Variants in RAB28 observed in about 807,000 individuals in gnomAD.
RAB28 encodes the protein ras-related protein Rab-28.
A neutral mutation model predicts 31.7 loss-of-function variants in RAB28; 24 were observed. The observed-to-expected ratio is 0.76, with a 90% CI of 0.55 to 1.06. RAB28 has a LOEUF of 1.06. Ranked by LOEUF, RAB28 falls within the 50% of genes least tolerant of loss-of-function variation. RAB28 has a pLI of 0.00. For missense variants in RAB28, 254 were observed against 258.5 expected, an observed-to-expected ratio of 0.98 and a Z score of 0.12; for synonymous variants, 100 against 90.4, an observed-to-expected ratio of 1.11 and a Z score of -0.60.
chr4:13,383,243 C>T (rs1729211092), intron 4 of RAB28, among the ~76,000 whole-genome samples: 1 of 151,878 alleles, frequency 6.6e-6, no homozygotes, highest in South Asian at 2.1e-4. Flanking sequence ...AGGAAAAATC[C>T]CCATTGAAAT....
chr4:13,368,747 C>A, intron 6 of RAB28, 97 bp from the exon 7 acceptor site: 1 of 943,442 alleles, frequency 1.1e-6, no homozygotes. Flanking sequence ...TGCTGAACTT[C>A]TGATGATGGA....
chr4:13,424,157 A>G (rs2108924647), intron 4 of RAB28, among the ~76,000 whole-genome samples: 1 of 152,332 alleles, frequency 6.6e-6, no homozygotes, highest in East Asian at 1.9e-4. Flanking sequence ...TCCTTTCCTC[A>G]TTTTCAGTTC....
Position 13,381,500 on chromosome 4 carries a change from T to G in RAB28, c.486A>C (p.Thr162=). Residue 162 remains threonine (T), a synonymous_variant, in exon 5 of 7, where the codon ACA becomes ACC. Coordinates refer to ENST00000330852, the MANE Select transcript of RAB28 (RefSeq NM_001017979.3). Reference sequence around the variant, plus strand: ...TCATTATTTTACTTACAGAGTCTCCTGTCTTGGCTGAGACAAAGTGGCTAC... The same window carrying G: ...TCATTATTTTACTTACAGAGTCTCCGGTCTTGGCTGAGACAAAGTGGCTAC... The part of the protein sequence containing the change: ...GFSSHFVSAK[T]GDSVFLCFQK... The G allele has an allele frequency of 6.2e-7, 1 of 1,606,470 alleles. No homozygotes were observed. The highest frequency in any genetic ancestry group is 8.5e-7 in the Non-Finnish European group (1 of 1,173,638).
At position 13,478,296 on chromosome 4, in the gene RAB28, T is replaced by G. The variant is rs113514365; in HGVS notation, c.172+1134A>C. ...CGCATATGTTTCTCCTTAAACCTCT[T>G]GCTGAACAATAACCCAGTAATGGAA... is the stretch of plus-strand genomic sequence containing the variant. On this transcript the variant is annotated intron_variant, in intron 2 of 6. Coordinates refer to ENST00000330852, the MANE Select transcript of RAB28 (RefSeq NM_001017979.3). Among the ~76,000 whole-genome samples, 424 of 151,758 alleles carry G rather than the reference T, an allele frequency of 2.8e-3. 5 individuals are homozygous for G. Among genetic ancestry groups the G allele is most frequent in the African/African-American group, 9.0e-3 (372 of 41,530 alleles).
intron 4 of RAB28, among the ~76,000 whole-genome samples, chr4:13,456,495 A>C (rs1348423257): frequency 1.3e-5 from 2 of 152,214 alleles, no homozygotes; most frequent in African/African-American, 4.8e-5. Context: ...TATCCAACAT[A>C]AACTATTACC....
At chr4:13,438,113 G>A (rs1714223811) in intron 4 of RAB28, among the ~76,000 whole-genome samples, 1 of 152,104 alleles carries the variant, frequency 6.6e-6, no homozygotes, top group Non-Finnish European at 1.5e-5. Flanking sequence ...AATATTAAGA[G>A]AGGATCTTCG....
intron 4 of RAB28, among the ~76,000 whole-genome samples, chr4:13,435,407 G>C (rs537575488): frequency 1.3e-5 from 2 of 149,692 alleles, no homozygotes; most frequent in Admixed American, 6.6e-5. Context: ...TTGAGACCAA[G>C]AAAAAAAAAT....
At chr4:13,443,070 G>A (rs1338995635) in intron 4 of RAB28, among the ~76,000 whole-genome samples, 1 of 152,150 alleles carries the variant, frequency 6.6e-6, no homozygotes, top group African/African-American at 2.4e-5. Context: ...TAAGAGATTA[G>A]CTAGAGCTAA....
rs372923657 is a variant in RAB28 at position 13,484,159 on chromosome 4, G to C, written c.-9C>G. 2 of 1,575,894 alleles carry C rather than the reference G, an allele frequency of 1.3e-6. No homozygotes were observed. Among genetic ancestry groups the C allele is most frequent in the South Asian group, 2.3e-5 (2 of 86,458 alleles). ...TCCTCAGAGTCCGACATGGTGTCCC[G>C]GGAACCAGGCCCGCCCCTCGAGGTG... On this transcript the variant is annotated 5_prime_UTR_variant, in exon 1 of 7. Transcript: ENST00000330852.
chr4:13,470,808 G>C (rs541243302), intron 3 of RAB28, among the ~76,000 whole-genome samples: 14 of 152,178 alleles, frequency 9.2e-5, no homozygotes, highest in African/African-American at 3.1e-4. Flanking sequence ...CTTAGAACTA[G>C]TTCTTGTCAA....
intron 4 of RAB28, among the ~76,000 whole-genome samples, chr4:13,389,654 T>C (rs958107768): frequency 2.0e-5 from 3 of 152,154 alleles, no homozygotes; most frequent in African/African-American, 7.2e-5. Flanking sequence ...TCTCAGATTA[T>C]TTGAAGGCAA....
intron 4 of RAB28, among the ~76,000 whole-genome samples, chr4:13,405,852 T>C (rs1577180556): frequency 6.6e-6 from 1 of 152,182 alleles, no homozygotes; most frequent in Non-Finnish European, 1.5e-5. Flanking sequence ...CTATTATTCA[T>C]TTAAGTTTGC....
At chr4:13,474,036 C>T (rs1577248981) in intron 3 of RAB28, 1 of 506,912 alleles carries the variant, frequency 2.0e-6, no homozygotes, top group South Asian at 1.6e-5. Context: ...ATCAAAATAT[C>T]ATTTATCACT....
At chr4:13,375,118 T>C (rs905055405) in intron 6 of RAB28, among the ~76,000 whole-genome samples, 2 of 152,118 alleles carry the variant, frequency 1.3e-5, no homozygotes, top group East Asian at 3.9e-4. Context: ...ACCAAGGGCA[T>C]TGGTGTCAGA....
At chr4:13,425,220 T>C (rs991599757) in intron 4 of RAB28, among the ~76,000 whole-genome samples, 13 of 152,202 alleles carry the variant, frequency 8.5e-5, no homozygotes, top group African/African-American at 2.4e-4. Flanking sequence ...ACACTCCTGG[T>C]ATCAAAACTA....
chr4:13,460,379 T>C (rs908064296), intron 4 of RAB28, among the ~76,000 whole-genome samples: 2 of 152,142 alleles, frequency 1.3e-5, no homozygotes, highest in Non-Finnish European at 2.9e-5. Flanking sequence ...ATTAATCCCA[T>C]TCTCTTTTTT....
chr4:13,461,400 G>C (rs1357962841), intron 3 of RAB28, among the ~76,000 whole-genome samples: 4 of 152,100 alleles, frequency 2.6e-5, no homozygotes, highest in Non-Finnish European at 4.4e-5. Flanking sequence ...TCATATACTT[G>C]AGCAGAGTTA....
chr4:13,369,763 TACA>T, intron 6 of RAB28: 1 of 1,076,872 alleles, frequency 9.3e-7, no homozygotes, highest in Non-Finnish European at 1.2e-6. Flanking sequence ...TCCAATAATG[TACA>T]ATAATCATCT....
At chr4:13,384,322 G>T (rs1163843189) in intron 4 of RAB28, among the ~76,000 whole-genome samples, 4 of 152,146 alleles carry the variant, frequency 2.6e-5, no homozygotes, top group Non-Finnish European at 4.4e-5. Context: ...CCTGCAGGGA[G>T]GCAGGCACCT....
Sources: gnomAD v4.1 joint callset for allele counts (sites outside exome capture counted in the v4.1 genomes callset) on GRCh38, gnomAD v4.1.1 for gene constraint, MANE v1.5 for transcripts, NCBI Gene and HGNC (gene_info 2026-07-23, HGNC 2026-07-21) for gene names.